SLIT3: variants seen among roughly 807,000 people sequenced by gnomAD.
SLIT3 encodes the protein slit homolog 3 protein.
In SLIT3, 68 loss-of-function variants were observed where a neutral mutation model predicts 184.0. That is an observed-to-expected ratio of 0.37 (90% CI 0.30 to 0.45). The LOEUF is 0.45. Among genes scored for constraint, SLIT3 ranks in the 20% least tolerant of loss-of-function variants. The pLI, the probability that SLIT3 is intolerant of heterozygous loss-of-function variation, is 1.00. For missense variants in SLIT3, 1,707 were observed against 2,026.0 expected, an observed-to-expected ratio of 0.84 and a Z score of 3.02; for synonymous variants, 831 against 828.6, an observed-to-expected ratio of 1.00 and a Z score of -0.05.
At chr5:168,833,009 C>T (rs906152782) in intron 6 of SLIT3, among the ~76,000 whole-genome samples, 2 of 152,200 alleles carry the variant, frequency 1.3e-5, no homozygotes, top group Non-Finnish European at 2.9e-5. Context: ...CTGCAACTCC[C>T]AAAGGGCAGC....
At chr5:169,013,302 C>G (rs1205962927) in intron 4 of SLIT3, 1 of 152,404 alleles carries the variant, frequency 6.6e-6, no homozygotes, top group African/African-American at 2.4e-5. Context: ...CATCTGGGGC[C>G]TCTGCTTCCA....
Position 169,172,192 on chromosome 5 carries a change from C to T in SLIT3, c.413+21287G>A, listed in dbSNP as rs867500195. Among the ~76,000 whole-genome samples, 3 of 152,274 alleles carry T rather than the reference C, an allele frequency of 2.0e-5. No individual in the cohort carries two copies. The Middle Eastern group carries it at 0.01, about 518-fold the overall frequency. ...TGTTGAGATTGAAATGAAATGGGACCACAGAATTGCCAACCTGCATTGACA... is the reference window on the plus strand; with the variant it reads ...TGTTGAGATTGAAATGAAATGGGACTACAGAATTGCCAACCTGCATTGACA... On this transcript the variant is annotated intron_variant, in intron 4 of 35. Transcript: ENST00000519560.
intron 4 of SLIT3, among the ~76,000 whole-genome samples, chr5:169,071,987 C>A (rs938660284): frequency 2.0e-5 from 3 of 151,998 alleles, no homozygotes; most frequent in Non-Finnish European, 4.4e-5. Context: ...TGTAAGTTGG[C>A]TTGAGTTGGA....
chr5:169,275,749 T>C (rs927918397), intron 1 of SLIT3, among the ~76,000 whole-genome samples: 1 of 152,150 alleles, frequency 6.6e-6, no homozygotes, highest in African/African-American at 2.4e-5. Context: ...ATGATTCAAT[T>C]ACCTCCACCT....
intron 16 of SLIT3, among the ~76,000 whole-genome samples, chr5:168,755,536 G>C (rs1754915933): frequency 6.6e-6 from 1 of 151,508 alleles, no homozygotes; most frequent in African/African-American, 2.4e-5. Flanking sequence ...CAGGGTTCAA[G>C]TGATTCTCCT....
intron 3 of SLIT3, among the ~76,000 whole-genome samples, chr5:169,198,886 C>T (rs993003047): frequency 1.3e-5 from 2 of 151,772 alleles, no homozygotes; most frequent in African/African-American, 4.8e-5. Context: ...GAGCTGAGAT[C>T]ACACCACTGC....
At chr5:169,233,835 C>T (rs78890776) in intron 3 of SLIT3, among the ~76,000 whole-genome samples, 3,108 of 151,990 alleles carry the variant, frequency 0.02, 108 homozygotes, top group African/African-American at 0.071. Flanking sequence ...TCCTATTTTT[C>T]GAATCATTGC....
At chr5:168,789,158 G>A (rs1045823094) in intron 11 of SLIT3, among the ~76,000 whole-genome samples, 3 of 151,742 alleles carry the variant, frequency 2.0e-5, no homozygotes, top group Non-Finnish European at 4.4e-5. Flanking sequence ...ATCAGCAGAA[G>A]AAAACGAGCT....
chr5:168,888,499 G>T (rs1422217724), intron 4 of SLIT3, among the ~76,000 whole-genome samples: 2 of 152,212 alleles, frequency 1.3e-5, no homozygotes, highest in Non-Finnish European at 2.9e-5. Context: ...AGGCTTCGGG[G>T]ATAGTTCTGA....
intron 4 of SLIT3, among the ~76,000 whole-genome samples, chr5:168,916,506 C>T (rs1029468180): frequency 3.3e-5 from 5 of 152,208 alleles, no homozygotes; most frequent in African/African-American, 1.2e-4. Context: ...GGACTCAGCC[C>T]GGATGCATCC....
At chr5:168,711,192 C>T (rs756222041) in intron 24 of SLIT3, 134 bp from the exon 25 acceptor site, 5 of 727,862 alleles carry the variant, frequency 6.9e-6, no homozygotes, top group South Asian at 4.9e-5. Flanking sequence ...GCGGAGTAGT[C>T]GTCTCCACTG....
intron 4 of SLIT3, among the ~76,000 whole-genome samples, chr5:168,918,104 TC>T (rs1469597326): frequency 6.6e-6 from 1 of 152,118 alleles, no homozygotes; most frequent in Non-Finnish European, 1.5e-5. Context: ...TTTCCCAACA[TC>T]CTGGTGCTTC....
At chr5:168,803,892 G>C (rs932795544) in intron 9 of SLIT3, among the ~76,000 whole-genome samples, 1 of 152,050 alleles carries the variant, frequency 6.6e-6, no homozygotes, top group Admixed American at 6.5e-5. Context: ...GGATGTTGAG[G>C]GAAGGGAAGT....
At chr5:169,131,764 T>G (rs1280596657) in intron 4 of SLIT3, among the ~76,000 whole-genome samples, 1 of 152,236 alleles carries the variant, frequency 6.6e-6, no homozygotes, top group Non-Finnish European at 1.5e-5. Context: ...GATTCTTCCT[T>G]GCCTTCCTCT....
intron 1 of SLIT3, among the ~76,000 whole-genome samples, chr5:169,299,958 C>T (rs541548886): frequency 6.6e-6 from 1 of 152,298 alleles, no homozygotes; most frequent in Admixed American, 6.5e-5. Flanking sequence ...GCGGGTTTTG[C>T]GAGCACCCAC....
chr5:168,947,568 C>T (rs947809587), intron 4 of SLIT3, among the ~76,000 whole-genome samples: 6 of 152,134 alleles, frequency 3.9e-5, no homozygotes, highest in Non-Finnish European at 8.8e-5. Context: ...GTGCCCAGGT[C>T]AGGGGCAGGG....
intron 4 of SLIT3, among the ~76,000 whole-genome samples, chr5:168,912,210 A>C (rs1177770014): frequency 6.6e-6 from 1 of 152,186 alleles, no homozygotes; most frequent in East Asian, 1.9e-4. Context: ...TATTGTAAAA[A>C]TACAGTATTT....
At chr5:168,756,135 C>T (rs148222650) in intron 16 of SLIT3, among the ~76,000 whole-genome samples, 9 of 152,120 alleles carry the variant, frequency 5.9e-5, no homozygotes, top group Non-Finnish European at 1.3e-4. Context: ...TTGGCGGGCT[C>T]GCAGAGATAG....
At chr5:169,292,541 G>A (rs545493903) in intron 1 of SLIT3, among the ~76,000 whole-genome samples, 6 of 152,146 alleles carry the variant, frequency 3.9e-5, no homozygotes, top group African/African-American at 1.2e-4. Context: ...GAAAGAACGG[G>A]GCAATATATT....
Sources: allele counts gnomAD v4.1 joint callset (sites outside exome capture counted in the v4.1 genomes callset), GRCh38; gene constraint gnomAD v4.1.1; transcripts MANE v1.5; gene names NCBI Gene and HGNC (gene_info 2026-07-23, HGNC 2026-07-21).